Variants in SLC67A2 observed in about 807,000 individuals in gnomAD.
SLC67A2 encodes solute carrier family 67 member A2.
chr2:102,736,666 G>T, the SLC67A2 span: 1 of 1,613,958 alleles, frequency 6.2e-7, no homozygotes, highest in East Asian at 2.2e-5. Flanking sequence ...ACCAAGTAGA[G>T]ACAGAGCAGG....
chr2:102,719,653 G>A, the SLC67A2 span, among the ~76,000 whole-genome samples: 2 of 152,182 alleles, frequency 1.3e-5, no homozygotes, highest in Admixed American at 6.5e-5. Flanking sequence ...GCTAAACATA[G>A]AAATATATTA....
At chr2:102,736,594 C>T in the SLC67A2 span, 3 of 1,613,426 alleles carry the variant, frequency 1.9e-6, no homozygotes, top group Non-Finnish European at 2.5e-6. Context: ...GCCTGGGTCC[C>T]CAGGCCCGAA....
chr2:102,732,521 A>C, the SLC67A2 span: 8 of 839,354 alleles, frequency 9.5e-6, no homozygotes, highest in South Asian at 1.4e-4. Context: ...TTAAACACGT[A>C]AGAAATCATA....
chr2:102,721,829 C>T, the SLC67A2 span, among the ~76,000 whole-genome samples: 1 of 152,112 alleles, frequency 6.6e-6, no homozygotes, highest in Non-Finnish European at 1.5e-5. Flanking sequence ...CTCAGCCTCT[C>T]GAGGATCTGG....
the SLC67A2 span, among the ~76,000 whole-genome samples, chr2:102,715,217 A>T: frequency 6.6e-6 from 1 of 152,138 alleles, no homozygotes; most frequent in Admixed American, 6.5e-5. Context: ...GAGTGTCTTC[A>T]CAGCACTTTA....
the SLC67A2 span, chr2:102,726,955 A>G: frequency 6.2e-7 from 1 of 1,613,606 alleles, no homozygotes; most frequent in Non-Finnish European, 8.5e-7. Context: ...CCGTCTTCCC[A>G]CTACATCGCT....
chr2:102,731,936 C>T, the SLC67A2 span: 2 of 315,980 alleles, frequency 6.3e-6, no homozygotes, highest in South Asian at 6.3e-5. Context: ...AACCCTTTCC[C>T]ACGAGATGTG....
chr2:102,732,037 C>T, the SLC67A2 span: 1 of 552,844 alleles, frequency 1.8e-6, no homozygotes, highest in Admixed American at 2.3e-5. Flanking sequence ...TTTATACACA[C>T]AGCCAGCTCC....
At chr2:102,731,096 A>T in the SLC67A2 span, 1 of 1,605,214 alleles carries the variant, frequency 6.2e-7, no homozygotes, top group South Asian at 1.1e-5. Flanking sequence ...ATAACAATAA[A>T]ATCAGCTAGA....
the SLC67A2 span, chr2:102,723,716 G>A: frequency 6.2e-7 from 1 of 1,614,116 alleles, no homozygotes; most frequent in Non-Finnish European, 8.5e-7. Flanking sequence ...TGAGAATGAA[G>A]ACCAAAAAGC....
At chr2:102,728,490 C>T in the SLC67A2 span, among the ~76,000 whole-genome samples, 27 of 152,310 alleles carry the variant, frequency 1.8e-4, no homozygotes, top group African/African-American at 6.5e-4. Flanking sequence ...GATCCCTTTA[C>T]ATAATGATGT....
chr2:102,724,177 TAA>T, the SLC67A2 span, among the ~76,000 whole-genome samples: 1 of 152,136 alleles, frequency 6.6e-6, no homozygotes. Flanking sequence ...TCAAGTCCCT[TAA>T]CCCTCAGCTT....
chr2:102,736,467 C>T, the SLC67A2 span: 2 of 1,455,118 alleles, frequency 1.4e-6, no homozygotes, highest in Admixed American at 2.6e-5. Flanking sequence ...GCAGTGTGGC[C>T]AGATGCAGAC....
chr2:102,719,205 G>A, the SLC67A2 span: 1 of 1,609,326 alleles, frequency 6.2e-7, no homozygotes, highest in South Asian at 1.1e-5. Flanking sequence ...AACCAAACGA[G>A]ACCTGTTAAA....
chr2:102,718,288 G>A, the SLC67A2 span: 10 of 1,067,320 alleles, frequency 9.4e-6, no homozygotes, highest in East Asian at 2.4e-5. Flanking sequence ...TGACCTGGAA[G>A]CCCAACAGCT....
chr2:102,729,279 T>A, the SLC67A2 span, among the ~76,000 whole-genome samples: 5 of 152,160 alleles, frequency 3.3e-5, no homozygotes, highest in African/African-American at 4.8e-5. Context: ...TAGTTAGCAA[T>A]AAAAATTTAC....
the SLC67A2 span, chr2:102,718,854 G>A: frequency 6.2e-7 from 1 of 1,614,034 alleles, no homozygotes; most frequent in East Asian, 2.2e-5. Flanking sequence ...ACGGCCCCCA[G>A]CATGCTGCTG....
At chr2:102,731,467 T>C in the SLC67A2 span, among the ~76,000 whole-genome samples, 1 of 152,174 alleles carries the variant, frequency 6.6e-6, no homozygotes, top group African/African-American at 2.4e-5. Context: ...AATCTTAACA[T>C]TGTCTCTTAT....
At chr2:102,721,349 G>T in the SLC67A2 span, among the ~76,000 whole-genome samples, 5 of 152,228 alleles carry the variant, frequency 3.3e-5, no homozygotes, top group East Asian at 9.7e-4. Context: ...CAAGTTACAG[G>T]CTAAGTAAAT....
Sources: gnomAD v4.1 joint callset for allele counts (sites outside exome capture counted in the v4.1 genomes callset) on GRCh38, gnomAD v4.1.1 for gene constraint, MANE v1.5 for transcripts, NCBI Gene and HGNC (gene_info 2026-07-23, HGNC 2026-07-21) for gene names.